PARP10: variants seen among roughly 807,000 people sequenced by gnomAD.
The protein encoded by PARP10 is poly(ADP-ribose) polymerase family member 10, also known as protein mono-ADP-ribosyltransferase PARP10.
Under a neutral mutation model 82.4 loss-of-function variants are expected in PARP10, and 56 were observed. The ratio of observed to expected loss-of-function variants is 0.68; its 90% CI spans 0.55 to 0.85. The LOEUF is 0.85. Among genes scored for constraint, PARP10 ranks in the 40% least tolerant of loss-of-function variants. The pLI, the probability that PARP10 is intolerant of heterozygous loss-of-function variation, is 0.00. For missense variants in PARP10, 1,227 were observed against 1,379.4 expected (o/e 0.89, Z 1.75); for synonymous variants, 576 against 601.1 (o/e 0.96, Z 0.61).
upstream of PARP10, among the ~76,000 whole-genome samples, chr8:143,989,154 C>T (rs1218007876): frequency 2.0e-5 from 3 of 152,220 alleles, no homozygotes; most frequent in Non-Finnish European, 4.4e-5. This position sits in a 1 kb window ranked among gnomAD's most constrained non-coding sequence, Gnocchi z 4.3. Flanking sequence ...TGGGAGAGGC[C>T]GGCCCTCCAA....
chr8:143,986,719 C>A, upstream of PARP10: 1 of 425,810 alleles, frequency 2.3e-6, no homozygotes, highest in East Asian at 4.3e-5. Context: ...CCTCCATGGC[C>A]TGAAAATGGC....
rs1554749398 is a variant in PARP10 at position 143,986,355 on chromosome 8, T to A, written c.2+3A>T. The stretch of plus-strand genomic sequence containing the variant: ...TATGGGTGGCCCCACATACAGCACT[T>A]ACATTCCCCGTGGCCGCTAGGCAGC... On this transcript the variant is annotated splice_donor_region_variant and intron_variant, in intron 1 of 10. Transcript: ENST00000313028. 1 of 1,614,056 alleles carries A rather than the reference T, an allele frequency of 6.2e-7. No homozygotes were observed. The highest frequency in any genetic ancestry group is 1.7e-5 in the Admixed American group (1 of 60,018).
intron 1 of PARP10, among the ~76,000 whole-genome samples, chr8:144,002,131 A>G (rs187029508): frequency 3.9e-5 from 6 of 152,298 alleles, no homozygotes; most frequent in Admixed American, 1.3e-4. Flanking sequence ...TGGGCCCGTC[A>G]GGCTATTTTC....
rs376565456 is a variant in PARP10 at position 143,982,934 on chromosome 8, G to A, written c.2554C>T (p.Arg852Cys). Residue 852 changes from arginine (R) to cysteine (C), a missense_variant and splice_region_variant, in exon 9 of 11, where the codon CGT becomes TGT. Transcript: ENST00000313028. Reference sequence around the variant, plus strand: ...AGAGAGACAGGGCATGGACTCACACGAACGACGCGGATGCTGCTGCGGGCA... The same window carrying A: ...AGAGAGACAGGGCATGGACTCACACAAACGACGCGGATGCTGCTGCGGGCA... ...DAARSSIRVV[R>C]VERVSHPLLQ... 11 of 1,613,452 alleles carry A rather than the reference G, an allele frequency of 6.8e-6. No homozygotes were observed. The highest frequency in any genetic ancestry group is 1.7e-5 in the Admixed American group (1 of 60,006).
At chr8:143,993,701 C>T (rs114570898), upstream of PARP10, among the ~76,000 whole-genome samples, 972 of 152,314 alleles carry the variant, frequency 6.4e-3, 17 homozygotes, top group African/African-American at 0.022. Flanking sequence ...ACGGTATAGC[C>T]GCCTCACTCT....
chr8:143,985,697 C>A, intron 3 of PARP10, 24 bp downstream of exon 3: 1 of 1,602,256 alleles, frequency 6.2e-7, no homozygotes, highest in Non-Finnish European at 8.5e-7. Flanking sequence ...TAGCCAGCAC[C>A]TCAACCCCAA....
chr8:143,991,231 A>G (rs782260917), upstream of PARP10: 68 of 1,578,762 alleles, frequency 4.3e-5, no homozygotes, highest in Middle Eastern at 1.2e-3. Flanking sequence ...GCCATGTCCC[A>G]TGAAAAGAGT....
At chr8:143,993,489 G>A (rs1196738966), upstream of PARP10, 1 of 156,724 alleles carries the variant, frequency 6.4e-6, no homozygotes, top group Non-Finnish European at 1.4e-5. Context: ...CCCTGCTGAT[G>A]GAGACACAGG....
At chr8:143,993,914 G>A (rs570683524), upstream of PARP10, among the ~76,000 whole-genome samples, 10 of 152,364 alleles carry the variant, frequency 6.6e-5, no homozygotes, top group African/African-American at 2.4e-4. Context: ...CAGAGACTGA[G>A]GGCTCAGCCA....
rs868908655 is a variant in PARP10 at position 143,984,329 on chromosome 8, C to T, written c.1561G>A (p.Ala521Thr). The change falls in exon 6 of 11, where the codon GCC (alanine) becomes ACC (threonine). Residue 521 changes from alanine to threonine, a missense_variant. By Grantham distance (58) the Ala-to-Thr change is moderately conservative (BLOSUM62 0). Coordinates refer to ENST00000313028, the MANE Select transcript of PARP10 (RefSeq NM_032789.5). ...CCTTCTGGGCCCAGGAGAAACCTGG[C>T]GCTGCCCGGGTGCTCCAGGCACAAC... is the stretch of plus-strand genomic sequence containing the variant. ...HVLCLEHPGSARFLLGPEGQH... is the reference protein window; with the variant it reads ...HVLCLEHPGSTRFLLGPEGQH... 7.4e-6 allele frequency: 12 copies of T among 1,613,762 alleles called. No individual in the cohort carries two copies. Among genetic ancestry groups the T allele is most frequent in the African/African-American group, 5.3e-5 (4 of 74,924 alleles).
intron 1 of PARP10, among the ~76,000 whole-genome samples, chr8:144,001,204 G>A (rs1326940353): frequency 1.3e-5 from 2 of 151,212 alleles, no homozygotes; most frequent in African/African-American, 4.9e-5. Context: ...GTGAGCCACC[G>A]TGCCTGGCCT....
chr8:143,987,045 A>G (rs1215755350), upstream of PARP10: 2 of 153,070 alleles, frequency 1.3e-5, no homozygotes, highest in Admixed American at 6.5e-5. Context: ...GCACCTCCCC[A>G]TCTCACACCA....
chr8:144,004,168 A>T (rs1834220299), intron 1 of PARP10, among the ~76,000 whole-genome samples: 1 of 151,870 alleles, frequency 6.6e-6, no homozygotes, highest in South Asian at 2.1e-4. Context: ...AAAACAAAAA[A>T]TTAGCTGGGT....
chr8:143,984,584 G>A lies in PARP10; in HGVS notation c.1418C>T (p.Ala473Val). 1 of 1,613,626 alleles carries A rather than the reference G, an allele frequency of 6.2e-7. No individual in the cohort carries two copies. The highest frequency in any genetic ancestry group is 8.5e-7 in the Non-Finnish European group (1 of 1,179,766). Residue 473 changes from alanine (A) to valine (V), a missense_variant, in exon 5 of 11, where the codon GCT (alanine) becomes GTT (valine). Coordinates refer to ENST00000313028, the MANE Select transcript of PARP10 (RefSeq NM_032789.5). Reference protein sequence around the residue: ...EDLLAGLGDVALLPLEGPDMT... With the variant: ...EDLLAGLGDVVLLPLEGPDMT... ...ATCCGGTCCTTCAAGTGGCAAGAGAGCGACGTCTCCCAGGCCCGCAAGAAG... is the reference window on the plus strand; with the variant it reads ...ATCCGGTCCTTCAAGTGGCAAGAGAACGACGTCTCCCAGGCCCGCAAGAAG...
rs115661538 is a variant in PARP10, at chr8:143,997,441, C to G, written c.-79-11003G>C. Among the ~76,000 whole-genome samples the G allele has an allele frequency of 9.4e-3, 1,431 of 152,240 alleles. 27 individuals carry two copies. The highest frequency in any genetic ancestry group is 0.031 in the African/African-American group (1,300 of 41,532). ...AAGCTCAAAATCTTCCTCTCTAACC[C>G]AAATGCTATCACGACCCTTGGCTAT... is the stretch of plus-strand genomic sequence containing the variant. On this transcript the variant is annotated intron_variant, in intron 1 of 3. Coordinates refer to the PARP10 transcript ENST00000530478.
At chr8:144,009,778 C>G (rs552341306) in intron 1 of PARP10, among the ~76,000 whole-genome samples, 1 of 152,298 alleles carries the variant, frequency 6.6e-6, no homozygotes, top group African/African-American at 2.4e-5. Flanking sequence ...AGCCGCAAGG[C>G]CATCCTGCCC....
At chr8:144,006,901 T>C (rs1164766658) in intron 1 of PARP10, among the ~76,000 whole-genome samples, 4 of 152,222 alleles carry the variant, frequency 2.6e-5, no homozygotes, top group Non-Finnish European at 5.9e-5. Flanking sequence ...TCCATGGTCA[T>C]TTCTGGAGTC....
At chr8:143,992,830 G>A (rs371899632), upstream of PARP10, 11 of 1,613,188 alleles carry the variant, frequency 6.8e-6, no homozygotes, top group Middle Eastern at 1.6e-4. Context: ...CATTGGCCGC[G>A]CCAAGGAGTA....
rs150419197 is a variant in PARP10 at position 143,985,635 on chromosome 8, C to T, written c.450G>A (p.Leu150=). 23 of 1,613,222 alleles carry T rather than the reference C, an allele frequency of 1.4e-5. No individual in the cohort carries two copies. The East Asian group carries it at 3.8e-4, about 27-fold the overall frequency. ...KPLSEADVRV[L]EEQAQNLGLE... ...GGCCCAGATTCTGGGCCTGCTCCTC[C>T]AGGACACGGACATCTGTGGGGTATG... Residue 150 remains leucine (L), a synonymous_variant, in exon 4 of 11, where the codon CTG becomes CTA. Coordinates refer to ENST00000313028, the MANE Select transcript of PARP10 (RefSeq NM_032789.5).
Sources: allele counts gnomAD v4.1 joint callset (sites outside exome capture counted in the v4.1 genomes callset), GRCh38; gene constraint gnomAD v4.1.1; non-coding constraint Gnocchi (gnomAD v3.1); transcripts MANE v1.5; gene names NCBI Gene and HGNC (gene_info 2026-07-23, HGNC 2026-07-21).